FBLN1: variants seen among roughly 807,000 people sequenced by gnomAD.
FBLN1 encodes fibulin-1.
Under a neutral mutation model 89.7 loss-of-function variants are expected in FBLN1, and 34 were observed. The ratio of observed to expected loss-of-function variants is 0.38; its 90% confidence interval spans 0.29 to 0.50. The LOEUF (loss-of-function observed/expected upper bound fraction) is 0.50. Among genes scored for constraint, FBLN1 ranks in the 20% least tolerant of loss-of-function variants. The pLI is 0.92. For synonymous variants in FBLN1, 393 were observed against 391.3 expected (o/e 1.00, Z -0.05); for missense variants, 777 against 988.1 (o/e 0.79, Z 2.86).
rs529146798 is a variant in FBLN1 at position 45,590,011 on chromosome 22, C to A, written c.1973-10296C>A. On this transcript the variant is annotated intron_variant, in intron 16 of 16. Transcript: ENST00000327858. This position sits in a 1 kb window ranked among gnomAD's most constrained non-coding sequence, Gnocchi z 4.1. Reference sequence around the variant, plus strand: ...CTTTATCAGCCTCTGCTGCCCCAATCCCCTGTGCCTGCTCTCCCAGTGGCT... The same window carrying A: ...CTTTATCAGCCTCTGCTGCCCCAATACCCTGTGCCTGCTCTCCCAGTGGCT... 6.6e-6 allele frequency among the ~76,000 whole-genome samples: 1 copy of A among 152,340 alleles called. No homozygotes were observed. The highest frequency in any genetic ancestry group is 2.4e-5 in the African/African-American group (1 of 41,588).
chr22:45,600,251 C>A, intron 16 of FBLN1, 56 bp from the exon 17 acceptor site: 2 of 1,610,626 alleles, frequency 1.2e-6, no homozygotes, highest in Non-Finnish European at 1.7e-6. Flanking sequence ...TTTCCCAGAT[C>A]TCTACGTTGC....
intron 16 of FBLN1, among the ~76,000 whole-genome samples, chr22:45,596,912 C>T (rs1469066024): frequency 4.0e-5 from 6 of 148,284 alleles, no homozygotes; most frequent in Non-Finnish European, 7.4e-5. Context: ...TACTTTATAA[C>T]ATATATTTTT....
At chr22:45,542,097 TGGG>T in intron 9 of FBLN1, 55 bp from the exon 10 acceptor site, 1 of 1,613,088 alleles carries the variant, frequency 6.2e-7, no homozygotes, top group South Asian at 1.1e-5. Context: ...CTGATCATCT[TGGG>T]GGGAAAAAAC....
At chr22:45,599,487 A>G (rs549945135) in intron 16 of FBLN1, among the ~76,000 whole-genome samples, 7 of 152,202 alleles carry the variant, frequency 4.6e-5, no homozygotes, top group South Asian at 2.1e-4. Flanking sequence ...TGCAGTCCTC[A>G]GATGTTCTGG....
rs1340023764 is a variant in FBLN1, at chr22:45,563,002, C to A, written c.1698-11509C>A. On this transcript the variant is annotated intron_variant, in intron 14 of 16. Transcript: ENST00000327858. The surrounding 1 kb of genome is among the most constrained non-coding windows in gnomAD (Gnocchi z 5.7). Reference sequence around the variant, plus strand: ...ACTACCACCTCTCTTTCCCCACCAACATCCAAGCGCCCGCGGTGGTTTTCC... The same window carrying A: ...ACTACCACCTCTCTTTCCCCACCAAAATCCAAGCGCCCGCGGTGGTTTTCC... 1.9e-6 allele frequency: 3 copies of A among 1,613,652 alleles called. No individual in the cohort carries two copies. The Admixed American group carries it at 5.0e-5, about 27-fold the overall frequency.
In FBLN1 at chr22:45,561,755, T is replaced by G. The variant is rs977287313; in HGVS notation, c.1697+11140T>G. On this transcript the variant is annotated intron_variant, in intron 14 of 16. Coordinates refer to ENST00000327858, the MANE Select transcript of FBLN1 (RefSeq NM_006486.3). This position sits in a 1 kb window ranked among gnomAD's most constrained non-coding sequence, Gnocchi z 4.7. ...TGTATAATGGAGAGTTTATTAAGCA[T>G]TAACTCACACGATCACAAGGTCCCA... Among the ~76,000 whole-genome samples, 2 of 152,134 alleles carry G rather than the reference T, an allele frequency of 1.3e-5. No homozygotes were observed. The highest frequency in any genetic ancestry group is 4.8e-5 in the African/African-American group (2 of 41,418).
intron 1 of FBLN1, among the ~76,000 whole-genome samples, chr22:45,512,989 A>G (rs1361636873): frequency 6.6e-6 from 1 of 152,094 alleles, no homozygotes; most frequent in Admixed American, 6.5e-5. Flanking sequence ...GTTGCAATCT[A>G]TTTTTTACTG....
intron 16 of FBLN1, among the ~76,000 whole-genome samples, chr22:45,589,680 C>T (rs758950691): frequency 6.6e-6 from 1 of 152,122 alleles, no homozygotes; most frequent in Non-Finnish European, 1.5e-5. Flanking sequence ...ACTCCAGCAG[C>T]GGCTCCCATG....
intron 1 of FBLN1, among the ~76,000 whole-genome samples, chr22:45,513,412 C>A (rs780604500): frequency 1.2e-4 from 18 of 150,854 alleles, no homozygotes; most frequent in Non-Finnish European, 2.5e-4. Context: ...TCTAGTGATT[C>A]TCCTGCCTCT....
At position 45,597,600 on chromosome 22, in the gene FBLN1, C is replaced by T. The variant is rs910923821; in HGVS notation, c.1973-2707C>T. On this transcript the variant is annotated intron_variant, in intron 16 of 16. Coordinates refer to ENST00000327858, the MANE Select transcript of FBLN1 (RefSeq NM_006486.3). The surrounding 1 kb of genome is among the most constrained non-coding windows in gnomAD (Gnocchi z 4.2). The stretch of plus-strand genomic sequence containing the variant: ...CACTGACCCTGGTGGGCAGACCCAG[C>T]CCAGGGAGGGGCAGGCAGGAGTGAC... Among the ~76,000 whole-genome samples the T allele has an allele frequency of 1.3e-5, 2 of 152,168 alleles. No homozygotes were observed. The highest frequency in any genetic ancestry group is 4.8e-5 in the African/African-American group (2 of 41,458).
chr22:45,576,770 C>T lies in FBLN1; in HGVS notation c.1841-207C>T, dbSNP rs1304158840. Among the ~76,000 whole-genome samples the T allele has an allele frequency of 6.6e-6, 1 of 152,192 alleles. No homozygotes were observed. The highest frequency in any genetic ancestry group is 2.4e-5 in the African/African-American group (1 of 41,448). ...TCTCTCCTGACTTCAGTTTCCCCTG[C>T]TATAAAACAGGGATGGGCTATGATA... is the stretch of plus-strand genomic sequence containing the variant. On this transcript the variant is annotated intron_variant, in intron 15 of 16. Transcript: ENST00000327858. This position sits in a 1 kb window ranked among gnomAD's most constrained non-coding sequence, Gnocchi z 5.2.
At position 45,531,828 on chromosome 22, in the gene FBLN1, C is replaced by T. The variant is rs1275444274; in HGVS notation, c.544+504C>T. On this transcript the variant is annotated intron_variant, in intron 5 of 16. Transcript: ENST00000327858. This position sits in a 1 kb window ranked among gnomAD's most constrained non-coding sequence, Gnocchi z 4.9. The stretch of plus-strand genomic sequence containing the variant: ...CTGGTGTGGAAAGCCTGCACGTTAC[C>T]GAGCCCCCAGGCCTTGTGAAGGTGA... 6.6e-6 allele frequency among the ~76,000 whole-genome samples: 1 copy of T among 152,174 alleles called. No homozygotes were observed.
intron 16 of FBLN1, among the ~76,000 whole-genome samples, chr22:45,594,119 A>G (rs1407475258): frequency 1.3e-5 from 2 of 150,970 alleles, no homozygotes; most frequent in Non-Finnish European, 2.9e-5. Flanking sequence ...GATCAAGTGG[A>G]TGGATGGAAC....
rs1175976089 is a variant in FBLN1 at position 45,549,730 on chromosome 22, G to A, written c.1574-762G>A. 1.3e-5 allele frequency among the ~76,000 whole-genome samples: 2 copies of A among 152,144 alleles called. No individual in the cohort carries two copies. Among genetic ancestry groups the A allele is most frequent in the African/African-American group, 4.8e-5 (2 of 41,422 alleles). ...CACCTCTTAATGGATGTCTCCCAGGGTTGGTGACAGCCCCTGAGCCCCACT... is the reference window on the plus strand; with the variant it reads ...CACCTCTTAATGGATGTCTCCCAGGATTGGTGACAGCCCCTGAGCCCCACT... On this transcript the variant is annotated intron_variant, in intron 13 of 16. Coordinates refer to ENST00000327858, the MANE Select transcript of FBLN1 (RefSeq NM_006486.3). The surrounding 1 kb of genome is among the most constrained non-coding windows in gnomAD (Gnocchi z 5.7).
chr22:45,600,332 C>T lies in FBLN1; in HGVS notation c.1998C>T (p.Ile666=), dbSNP rs773314687. Reference sequence around the variant, plus strand: ...GTGTCGTGCGCCAGGTGCGGCCCATCGTGGGCCCATTTCATGCCGTCCTGA... The same window carrying T: ...GTGTCGTGCGCCAGGTGCGGCCCATTGTGGGCCCATTTCATGCCGTCCTGA... The part of the protein sequence containing the change: ...TVGVVRQVRP[I]VGPFHAVLKL... The change falls in exon 17 of 17, where the codon ATC becomes ATT. Residue 666 remains isoleucine, a synonymous_variant. Transcript: ENST00000327858. 7.4e-6 allele frequency: 12 copies of T among 1,614,186 alleles called. No individual in the cohort carries two copies. The highest frequency in any genetic ancestry group is 6.6e-5 in the South Asian group (6 of 91,086).
intron 16 of FBLN1, among the ~76,000 whole-genome samples, chr22:45,594,197 C>G (rs2089163753): frequency 2.0e-5 from 3 of 152,194 alleles, no homozygotes; most frequent in African/African-American, 7.2e-5. Flanking sequence ...CTTGCTACTT[C>G]TTCCTCCTTC....
intron 16 of FBLN1, among the ~76,000 whole-genome samples, chr22:45,582,358 C>G (rs201708554): frequency 1.3e-5 from 2 of 152,228 alleles, no homozygotes; most frequent in East Asian, 3.8e-4. Context: ...GGTCCTGGGC[C>G]AGCCCCTGAT....
Position 45,543,394 on chromosome 22 carries a change from C to T in FBLN1, c.1196-7C>T. The stretch of plus-strand genomic sequence containing the variant: ...TTGCCCTGAGTCAGCCCACCCCTCA[C>T]TTTCAGATGTCAACGAGTGCCAGCG... On this transcript the variant is annotated splice_region_variant and splice_polypyrimidine_tract_variant and intron_variant, in intron 10 of 16. Coordinates refer to ENST00000327858, the MANE Select transcript of FBLN1 (RefSeq NM_006486.3). 2 of 1,611,894 alleles carry T rather than the reference C, an allele frequency of 1.2e-6. No individual in the cohort carries two copies. The highest frequency in any genetic ancestry group is 1.3e-5 in the African/African-American group (1 of 75,062).
At chr22:45,591,371 T>C (rs2089134989) in intron 16 of FBLN1, among the ~76,000 whole-genome samples, 1 of 151,992 alleles carries the variant, frequency 6.6e-6, no homozygotes, top group African/African-American at 2.4e-5. Flanking sequence ...AGGGCTTTAG[T>C]CCAAAGCTGA....
Sources: allele counts gnomAD v4.1 joint callset (sites outside exome capture counted in the v4.1 genomes callset), GRCh38; gene constraint gnomAD v4.1.1; non-coding constraint Gnocchi (gnomAD v3.1); transcripts MANE v1.5; gene names NCBI Gene and HGNC (gene_info 2026-07-23, HGNC 2026-07-21).